Variants in BABAM2 observed in about 807,000 individuals in gnomAD.
BABAM2 encodes the protein BRISC and BRCA1-A complex member 2.
A neutral mutation model predicts 54.7 loss-of-function variants in BABAM2; 31 were observed. That is an observed-to-expected ratio of 0.57 (90% CI 0.43 to 0.77). The LOEUF (loss-of-function observed/expected upper bound fraction) is 0.77, where lower values mean the gene tolerates loss of function less well. Among genes scored for constraint, BABAM2 ranks in the 30% least tolerant of loss-of-function variants. BABAM2 has a pLI of 0.00. For synonymous variants in BABAM2, 167 were observed against 162.9 expected (o/e 1.03, Z -0.19); for missense variants, 364 against 455.8 (o/e 0.80, Z 1.83).
intron 4 of BABAM2, among the ~76,000 whole-genome samples, chr2:28,023,669 T>G (rs1014682551): frequency 1.3e-5 from 2 of 152,224 alleles, no homozygotes; most frequent in Non-Finnish European, 2.9e-5. Context: ...AGACCCGTTT[T>G]TCCTATAAAT....
At chr2:28,079,132 G>A (rs1410511474) in intron 6 of BABAM2, among the ~76,000 whole-genome samples, 1 of 152,064 alleles carries the variant, frequency 6.6e-6, no homozygotes, top group Non-Finnish European at 1.5e-5. Context: ...AGAAAAAATG[G>A]CAATAAAATC....
chr2:28,248,300 C>G (rs539146838), intron 10 of BABAM2, among the ~76,000 whole-genome samples: 1 of 142,304 alleles, frequency 7.0e-6, no homozygotes, highest in East Asian at 2.1e-4. Flanking sequence ...ACCTCTGCCT[C>G]CCAGGTTCAA....
At chr2:27,949,383 A>G (rs1486374547) in intron 3 of BABAM2, among the ~76,000 whole-genome samples, 1 of 152,046 alleles carries the variant, frequency 6.6e-6, no homozygotes, top group African/African-American at 2.4e-5. Flanking sequence ...AAATACAAAA[A>G]ATTAGCCAGG....
intron 6 of BABAM2, among the ~76,000 whole-genome samples, chr2:28,085,562 G>T (rs919618381): frequency 6.6e-6 from 1 of 152,134 alleles, no homozygotes; most frequent in Non-Finnish European, 1.5e-5. Context: ...TATTTTAGAT[G>T]ATAAATGCTT....
chr2:27,987,883 G>A (rs1429400557), intron 3 of BABAM2, 110 bp from the exon 4 acceptor site: 6 of 903,676 alleles, frequency 6.6e-6, no homozygotes, highest in Non-Finnish European at 1.0e-5. Context: ...TTTTCAAATG[G>A]TTTTCTTAAA....
intron 2 of BABAM2, among the ~76,000 whole-genome samples, chr2:27,899,851 C>T (rs1272739563): frequency 7.9e-5 from 12 of 152,086 alleles, no homozygotes; most frequent in East Asian, 7.7e-4. Context: ...AATTTACTTT[C>T]GTTAGCTTCA....
At chr2:28,233,004 C>T (rs2148046551) in intron 7 of BABAM2, 2 of 308,648 alleles carry the variant, frequency 6.5e-6, no homozygotes, top group South Asian at 3.0e-5. Context: ...AAACTCTGGC[C>T]TCATCCTTCT....
intron 6 of BABAM2, among the ~76,000 whole-genome samples, chr2:28,091,279 T>G (rs1350757026): frequency 6.6e-6 from 1 of 152,234 alleles, no homozygotes; most frequent in Non-Finnish European, 1.5e-5. Flanking sequence ...GAGAGTCTTT[T>G]AACCAGATGG....
At chr2:28,087,688 G>A (rs534120293) in intron 6 of BABAM2, among the ~76,000 whole-genome samples, 33 of 150,994 alleles carry the variant, frequency 2.2e-4, no homozygotes, top group South Asian at 4.2e-4. Flanking sequence ...TCGCTCTGTC[G>A]CCCAGGTTGG....
intron 10 of BABAM2, among the ~76,000 whole-genome samples, chr2:28,286,853 G>A (rs74448223): frequency 9.4e-4 from 143 of 152,234 alleles, no homozygotes; most frequent in African/African-American, 2.8e-3. Flanking sequence ...CCCTAGAGCC[G>A]GCCATGGTAT....
At chr2:27,939,701 A>G (rs1163495149) in intron 3 of BABAM2, among the ~76,000 whole-genome samples, 1 of 152,244 alleles carries the variant, frequency 6.6e-6, no homozygotes, top group Non-Finnish European at 1.5e-5. Context: ...GCCCTCTGCA[A>G]GCAGATTAAT....
intron 6 of BABAM2, among the ~76,000 whole-genome samples, chr2:28,073,365 G>T (rs1235677746): frequency 1.3e-5 from 2 of 152,054 alleles, no homozygotes; most frequent in African/African-American, 4.8e-5. Flanking sequence ...AGTTGTCGTG[G>T]TGTGCTTCTG....
At chr2:28,315,666 T>TA (rs1689494194) in intron 11 of BABAM2, among the ~76,000 whole-genome samples, 1 of 146,384 alleles carries the variant, frequency 6.8e-6, no homozygotes, top group African/African-American at 2.5e-5. Context: ...TATTTTTTAT[T>TA]TTTTTTTTTA....
intron 6 of BABAM2, among the ~76,000 whole-genome samples, chr2:28,091,765 T>C (rs1666177440): frequency 6.6e-6 from 1 of 152,204 alleles, no homozygotes; most frequent in African/African-American, 2.4e-5. Flanking sequence ...GTGGCTTAGT[T>C]TTTTCCTTAT....
intron 4 of BABAM2, among the ~76,000 whole-genome samples, chr2:28,001,840 C>T (rs1336274161): frequency 6.6e-6 from 1 of 151,962 alleles, no homozygotes; most frequent in African/African-American, 2.4e-5. Flanking sequence ...AGGATAGACC[C>T]GCCCCTATGC....
At chr2:28,180,617 G>T (rs565130843) in intron 7 of BABAM2, among the ~76,000 whole-genome samples, 17 of 152,220 alleles carry the variant, frequency 1.1e-4, no homozygotes, top group African/African-American at 4.1e-4. Context: ...AGGCACATGG[G>T]ACTATATTAA....
intron 4 of BABAM2, among the ~76,000 whole-genome samples, chr2:28,018,478 A>G (rs528435404): frequency 3.9e-5 from 6 of 152,188 alleles, no homozygotes; most frequent in Non-Finnish European, 7.3e-5. Context: ...ATGTGTAAGT[A>G]TCTTTTTCAT....
At chr2:27,936,340 A>C (rs1033576403) in intron 3 of BABAM2, among the ~76,000 whole-genome samples, 5 of 152,192 alleles carry the variant, frequency 3.3e-5, no homozygotes, top group African/African-American at 1.2e-4. Flanking sequence ...ACAGTTTTAC[A>C]CTGTTGGTGG....
At chr2:27,899,930 T>G (rs1368643386) in intron 2 of BABAM2, among the ~76,000 whole-genome samples, 1 of 152,242 alleles carries the variant, frequency 6.6e-6, no homozygotes, top group Non-Finnish European at 1.5e-5. Context: ...ATCTGGAACA[T>G]TATTGATGCC....
Sources: gnomAD v4.1 joint callset for allele counts (sites outside exome capture counted in the v4.1 genomes callset) on GRCh38, gnomAD v4.1.1 for gene constraint, MANE v1.5 for transcripts, NCBI Gene and HGNC (gene_info 2026-07-23, HGNC 2026-07-21) for gene names.